Variants in THSD7A observed in about 807,000 individuals in gnomAD.
THSD7A encodes thrombospondin type-1 domain-containing protein 7A.
Under a neutral mutation model 231.3 loss-of-function variants are expected in THSD7A, and 96 were observed. That is an observed-to-expected ratio of 0.41 (90% confidence interval 0.35 to 0.49). The LOEUF is 0.49. THSD7A is among the 20% of genes least tolerant of loss of function. The probability of loss-of-function intolerance (pLI) is 0.05; values close to 1 mark genes in which losing one functional copy is unlikely to be tolerated. For missense variants in THSD7A, 2,290 were observed against 2,070.2 expected (o/e 1.11, Z -2.06); for synonymous variants, 940 against 743.3 (o/e 1.26, Z -4.30).
rs186374001 is a variant in THSD7A at position 11,705,115 on chromosome 7, T to C, written c.191-68154A>G. On this transcript the variant is annotated intron_variant, in intron 1 of 27. Coordinates refer to ENST00000423059, the MANE Select transcript of THSD7A (RefSeq NM_015204.3). ...GAAGAATAAAAGTGCTGTTGGATTATGGCATATAATTGAAAGTATCTGTCA... is the reference window on the plus strand; with the variant it reads ...GAAGAATAAAAGTGCTGTTGGATTACGGCATATAATTGAAAGTATCTGTCA... 3.3e-5 allele frequency among the ~76,000 whole-genome samples: 5 copies of C among 151,234 alleles called. No individual in the cohort carries two copies. In the East Asian group the frequency reaches 5.9e-4, roughly 18 times the overall value.
rs1790052459 is a variant in THSD7A, at chr7:11,560,951, C to G, written c.1454-17834G>C. On this transcript the variant is annotated intron_variant, in intron 4 of 27. Transcript: ENST00000423059. Reference sequence around the variant, plus strand: ...GTTTGCTACATGCCAGGAAATGTCACACTGTTCCAAGTACTTAACAGATAC... The same window carrying G: ...GTTTGCTACATGCCAGGAAATGTCAGACTGTTCCAAGTACTTAACAGATAC... Among the ~76,000 whole-genome samples the G allele has an allele frequency of 2.6e-5, 4 of 152,168 alleles. 1 individual carries two copies. The South Asian group carries it at 8.3e-4, about 32-fold the overall frequency.
intron 1 of THSD7A, among the ~76,000 whole-genome samples, chr7:11,739,715 C>G (rs779344573): frequency 9.2e-5 from 14 of 151,854 alleles, no homozygotes; most frequent in Non-Finnish European, 1.8e-4. Context: ...ACCACAGCAC[C>G]CAGCCTCATC....
At chr7:11,777,073 T>C (rs191486806) in intron 1 of THSD7A, among the ~76,000 whole-genome samples, 8 of 152,280 alleles carry the variant, frequency 5.3e-5, no homozygotes, top group Admixed American at 3.3e-4. Flanking sequence ...AAAGTGATGT[T>C]TATTTTGCAA....
At chr7:11,753,381 T>C (rs1352225800) in intron 1 of THSD7A, among the ~76,000 whole-genome samples, 1 of 152,078 alleles carries the variant, frequency 6.6e-6, no homozygotes, top group Non-Finnish European at 1.5e-5. Flanking sequence ...TGTCTACTTG[T>C]ACACTATTAT....
chr7:11,784,489 A>G (rs1473506995), intron 1 of THSD7A, among the ~76,000 whole-genome samples: 3 of 151,860 alleles, frequency 2.0e-5, no homozygotes, highest in Admixed American at 6.6e-5. Context: ...TTGCTGCATT[A>G]AACTTAATTT....
chr7:11,517,935 G>T (rs1788102093), intron 6 of THSD7A, among the ~76,000 whole-genome samples: 1 of 152,192 alleles, frequency 6.6e-6, no homozygotes, highest in African/African-American at 2.4e-5. Context: ...AGTTGTGAGT[G>T]CCACAGATAG....
intron 4 of THSD7A, among the ~76,000 whole-genome samples, chr7:11,552,862 C>G (rs992430894): frequency 6.6e-6 from 1 of 152,052 alleles, no homozygotes; most frequent in African/African-American, 2.4e-5. Context: ...CATACCTAAT[C>G]AAACCAATCT....
At chr7:11,672,160 A>G (rs1783420795) in intron 1 of THSD7A, among the ~76,000 whole-genome samples, 2 of 152,130 alleles carry the variant, frequency 1.3e-5, no homozygotes, top group African/African-American at 4.8e-5. Context: ...GGCTGTGGGC[A>G]TTTCTAATTA....
chr7:11,807,122 A>T (rs760135840), intron 1 of THSD7A, among the ~76,000 whole-genome samples: 3 of 152,090 alleles, frequency 2.0e-5, no homozygotes, highest in Non-Finnish European at 4.4e-5. Context: ...AAGTGTTTTA[A>T]ACAAACAGTG....
chr7:11,609,192 T>C (rs759316582), intron 2 of THSD7A, among the ~76,000 whole-genome samples: 21 of 152,222 alleles, frequency 1.4e-4, no homozygotes, highest in Middle Eastern at 3.4e-3. Context: ...GAGCCCTTCC[T>C]TCTGAATTTC....
At chr7:11,591,974 C>G (rs1231716052) in intron 3 of THSD7A, among the ~76,000 whole-genome samples, 1 of 152,144 alleles carries the variant, frequency 6.6e-6, no homozygotes, top group Non-Finnish European at 1.5e-5. Flanking sequence ...GAGAAAGATA[C>G]TCAAGGATAT....
intron 4 of THSD7A, among the ~76,000 whole-genome samples, chr7:11,582,086 A>G (rs1383536774): frequency 3.9e-5 from 6 of 151,984 alleles, no homozygotes; most frequent in African/African-American, 9.7e-5. Flanking sequence ...CTCCAATTCT[A>G]GTCTTTATTT....
chr7:11,491,736 C>T (rs924280866), intron 6 of THSD7A, among the ~76,000 whole-genome samples: 2 of 152,056 alleles, frequency 1.3e-5, no homozygotes, highest in African/African-American at 2.4e-5. Flanking sequence ...GGTTCCACAT[C>T]AAGTGCTTCA....
At chr7:11,738,513 T>C (rs1781994185) in intron 1 of THSD7A, among the ~76,000 whole-genome samples, 1 of 152,056 alleles carries the variant, frequency 6.6e-6, no homozygotes, top group Non-Finnish European at 1.5e-5. Flanking sequence ...ATGTAGTTGT[T>C]AACCATGTTA....
chr7:11,654,307 A>C (rs549733679), intron 1 of THSD7A, among the ~76,000 whole-genome samples: 1 of 152,074 alleles, frequency 6.6e-6, no homozygotes, highest in East Asian at 1.9e-4. Flanking sequence ...AGATTTGATC[A>C]ATGTTGAGTA....
chr7:11,807,959 G>A (rs1784439219), intron 1 of THSD7A, among the ~76,000 whole-genome samples: 1 of 152,054 alleles, frequency 6.6e-6, no homozygotes, highest in Non-Finnish European at 1.5e-5. Context: ...CACTGTCAGA[G>A]CAATACTGAA....
At chr7:11,824,821 T>C (rs1420680657) in intron 1 of THSD7A, among the ~76,000 whole-genome samples, 2 of 152,142 alleles carry the variant, frequency 1.3e-5, no homozygotes, top group Admixed American at 6.6e-5. Flanking sequence ...AACTATCCAG[T>C]GACAGCATTT....
chr7:11,651,043 A>G (rs1418430745), intron 1 of THSD7A, among the ~76,000 whole-genome samples: 1 of 152,064 alleles, frequency 6.6e-6, no homozygotes, highest in Non-Finnish European at 1.5e-5. Context: ...CCAAAAGTGG[A>G]AACAATCCAA....
chr7:11,452,587 A>G (rs1457193787), intron 11 of THSD7A, among the ~76,000 whole-genome samples: 1 of 152,050 alleles, frequency 6.6e-6, no homozygotes, highest in Non-Finnish European at 1.5e-5. Flanking sequence ...ATCAGTTCCC[A>G]GTGGAGTAGC....
Sources: gnomAD v4.1 joint callset for allele counts (sites outside exome capture counted in the v4.1 genomes callset) on GRCh38, gnomAD v4.1.1 for gene constraint, MANE v1.5 for transcripts, NCBI Gene and HGNC (gene_info 2026-07-23, HGNC 2026-07-21) for gene names.